Variants in DCTN5 observed in about 807,000 individuals in gnomAD.
DCTN5 encodes the protein dynactin subunit 5.
In DCTN5, 14 loss-of-function variants were observed where a neutral mutation model predicts 23.5. That is an observed-to-expected ratio of 0.60 (90% CI 0.39 to 0.93). The LOEUF is 0.93. Ranked by LOEUF, DCTN5 falls within the 40% of genes least tolerant of loss-of-function variation. DCTN5 has a pLI of 0.00. For synonymous variants in DCTN5, 67 were observed against 79.6 expected (o/e 0.84, Z 0.84); for missense variants, 156 against 225.9 (o/e 0.69, Z 1.98).
intron 2 of DCTN5, among the ~76,000 whole-genome samples, chr16:23,644,854 C>T (rs1407475485): frequency 1.4e-5 from 2 of 147,932 alleles, no homozygotes; most frequent in Admixed American, 6.7e-5. Context: ...CCATCTCAGT[C>T]GCCACAACCT....
At chr16:23,650,791 C>CAGATGTCACAGTGCCTGCAGGG (rs1967587763) in intron 2 of DCTN5, 1 of 1,531,914 alleles carries the variant, frequency 6.5e-7, no homozygotes, top group Admixed American at 2.0e-5. Context: ...GCCCATATAT[C>CAGATGTCACAGTGCCTGCAGGG]AGATGTCACA....
Position 23,671,178 on chromosome 16 carries a change from G to A in DCTN5, c.*4034G>A, listed in dbSNP as rs148556646. The A allele has an allele frequency of 6.6e-5, 10 of 152,234 alleles. No homozygotes were observed. Among genetic ancestry groups the A allele is most frequent in the South Asian group, 2.1e-4 (1 of 4,822 alleles). The allele number at this position is 152,234 out of a possible 1,614,324, so 9.4% of individuals were successfully genotyped here. ...GACTTTGAGCAAGTTATCTTACTTC[G>A]TGGAACCTCAGGTTTCTCATCCATA... On this transcript the variant is annotated 3_prime_UTR_variant, in exon 6 of 6. Transcript: ENST00000300087.
chr16:23,672,868 C>T lies in DCTN5; in HGVS notation c.*5724C>T, dbSNP rs574357250. On this transcript the variant is annotated 3_prime_UTR_variant, in exon 6 of 6. Coordinates refer to ENST00000300087, the MANE Select transcript of DCTN5 (RefSeq NM_032486.4). ...TTTGGCCAGGCGCAGTGGCTCAAGC[C>T]TGTAATCCCATCACTTCGGGAGGCC... The T allele has an allele frequency of 6.6e-6, 1 of 152,304 alleles. No individual in the cohort carries two copies. The highest frequency in any genetic ancestry group is 1.5e-5 in the Non-Finnish European group (1 of 68,092). The allele number at this position is 152,304 out of a possible 1,614,324, so 9.4% of individuals were successfully genotyped here.
At chr16:23,664,122 A>G (rs1448818452) in intron 4 of DCTN5, among the ~76,000 whole-genome samples, 2 of 152,236 alleles carry the variant, frequency 1.3e-5, no homozygotes, top group Non-Finnish European at 2.9e-5. Flanking sequence ...ATTTGAGGTC[A>G]CCAGGGAAGA....
rs1383097099 is a variant in DCTN5 at position 23,671,840 on chromosome 16, C to T, written c.*4696C>T. 6.6e-6 allele frequency: 1 copy of T among 152,228 alleles called. No homozygotes were observed. The highest frequency in any genetic ancestry group is 2.4e-5 in the African/African-American group (1 of 41,450). The allele number at this position is 152,228 out of a possible 1,614,324, so 9.4% of individuals were successfully genotyped here. ...AGTTGGCACAGGACATCTTACTTCC[C>T]TGAAAACAGTACCTGGACTTTTCTG... On this transcript the variant is annotated 3_prime_UTR_variant, in exon 6 of 6. Transcript: ENST00000300087.
chr16:23,653,326 A>G (rs1967639827), intron 2 of DCTN5, among the ~76,000 whole-genome samples: 1 of 152,224 alleles, frequency 6.6e-6, no homozygotes, highest in Admixed American at 6.5e-5. Flanking sequence ...ACAGTAATCA[A>G]AACAGCGTGT....
At chr16:23,659,179 A>G (rs572891953) in intron 3 of DCTN5, among the ~76,000 whole-genome samples, 1 of 152,258 alleles carries the variant, frequency 6.6e-6, no homozygotes, top group East Asian at 1.9e-4. Flanking sequence ...CAAACTCTTG[A>G]GAGAGAGAAT....
rs1284544130 is a variant in DCTN5, at chr16:23,645,108, TATATATATATATATATATATATATATA to T, written c.117+2086_117+2112del. On this transcript the variant is annotated intron_variant, in intron 2 of 5. Transcript: ENST00000300087. Reference sequence around the variant, plus strand: ...CTATATATATATATATATATATATATATATATATATATATATATATATATATATATTTTTTTTTTTTTTAATACGCAG... The same window carrying T: ...CTATATATATATATATATATATATATTATTTTTTTTTTTTTTAATACGCAG... Among the ~76,000 whole-genome samples the T allele has an allele frequency of 2.4e-3, 85 of 34,702 alleles. 4 individuals carry two copies. The South Asian group carries it at 0.025, about 10-fold the overall frequency. 22.8% of individuals were successfully genotyped at this position (34,702 alleles called of 152,430 possible). A position where few individuals can be genotyped will look rare whatever the true frequency, so the allele number is the denominator to read the frequency against.
chr16:23,658,405 T>C, intron 2 of DCTN5, 102 bp from the exon 3 acceptor site: 1 of 787,662 alleles, frequency 1.3e-6, no homozygotes, highest in Non-Finnish European at 2.2e-6. Flanking sequence ...TCTGTCAGAG[T>C]GGATTGTAAC....
At chr16:23,641,670 C>CT in intron 1 of DCTN5, 80 bp downstream of exon 1, 2 of 1,447,310 alleles carry the variant, frequency 1.4e-6, no homozygotes, top group Non-Finnish European at 1.9e-6. Context: ...CAACCTGCCC[C>CT]TACCCCACCA....
At chr16:23,665,605 T>G in intron 4 of DCTN5, 21 bp from the exon 5 acceptor site, 1 of 1,605,014 alleles carries the variant, frequency 6.2e-7, no homozygotes. Context: ...CCATTTCCTA[T>G]TAACAAGATT....
rs138273303 is a variant in DCTN5, at chr16:23,651,794, G to A, written c.118-6713G>A. 2.8e-3 allele frequency among the ~76,000 whole-genome samples: 419 copies of A among 152,322 alleles called. 2 individuals carry two copies. The highest frequency in any genetic ancestry group is 9.6e-3 in the African/African-American group (401 of 41,568). On this transcript the variant is annotated intron_variant, in intron 2 of 5. Transcript: ENST00000300087. ...AATCCCAGCACTTTGCGAGACCAAG[G>A]CAGGCGGAGGCGGGCAGATTACCTG... is the stretch of plus-strand genomic sequence containing the variant.
At chr16:23,648,613 G>T (rs1967527642) in intron 2 of DCTN5, among the ~76,000 whole-genome samples, 1 of 151,490 alleles carries the variant, frequency 6.6e-6, no homozygotes, top group South Asian at 2.1e-4. Context: ...GCCTCCCAAA[G>T]TGCTGGGATT....
At position 23,667,707 on chromosome 16, in the gene DCTN5, AGTGTTTCTC is replaced by A. The variant is rs1967932768; in HGVS notation, c.*564_*572del. 6.5e-6 allele frequency: 1 copy of A among 153,736 alleles called. No individual in the cohort carries two copies. The highest frequency in any genetic ancestry group is 2.4e-5 in the African/African-American group (1 of 41,456). 9.5% of individuals were successfully genotyped at this position (153,736 alleles called of 1,614,324 possible). A position where few individuals can be genotyped will look rare whatever the true frequency, so the allele number is the denominator to read the frequency against. On this transcript the variant is annotated 3_prime_UTR_variant, in exon 6 of 6. Transcript: ENST00000300087. ...TTAAAACTTGAAGGGAGGGGTGAATAGTGTTTCTCTCTTCTTCCCAAAATGACCTTAGCT... is the reference window on the plus strand; with the variant it reads ...TTAAAACTTGAAGGGAGGGGTGAATATCTTCTTCCCAAAATGACCTTAGCT...
Position 23,674,313 on chromosome 16 carries a change from C to CT in DCTN5, c.*7170dup. On this transcript the variant is annotated 3_prime_UTR_variant, in exon 6 of 6. Transcript: ENST00000300087. ...AGGGCTTATTCTCTAATGGGACCATCTAAGATCAAGCTGCTGATAGGCTCT... is the reference window on the plus strand; with the variant it reads ...AGGGCTTATTCTCTAATGGGACCATCTTAAGATCAAGCTGCTGATAGGCTCT... 2 of 152,328 alleles carry CT rather than the reference C, an allele frequency of 1.3e-5. No homozygotes were observed. The highest frequency in any genetic ancestry group is 1.3e-4 in the Admixed American group (2 of 15,290). The allele number at this position is 152,328 out of a possible 1,614,324, so 9.4% of individuals were successfully genotyped here.
intron 2 of DCTN5, among the ~76,000 whole-genome samples, chr16:23,645,109 A>C (rs561818161): frequency 3.2e-5 from 1 of 31,480 alleles, no homozygotes; most frequent in East Asian, 1.0e-3. Flanking sequence ...ATATATATAT[A>C]TATATATATA....
At chr16:23,657,835 C>T (rs914991528) in intron 2 of DCTN5, among the ~76,000 whole-genome samples, 8 of 152,236 alleles carry the variant, frequency 5.3e-5, no homozygotes, top group African/African-American at 1.9e-4. Flanking sequence ...CATAATTCCT[C>T]ATAATCTACT....
At chr16:23,641,929 C>CT (rs1204768012) in intron 1 of DCTN5, among the ~76,000 whole-genome samples, 25 of 151,076 alleles carry the variant, frequency 1.7e-4, no homozygotes, top group Admixed American at 6.6e-4. Context: ...CGATTCGGTT[C>CT]TTTTTTTTTG....
At position 23,671,265 on chromosome 16, in the gene DCTN5, A is replaced by C. The variant is rs1408403090; in HGVS notation, c.*4121A>C. 6.6e-6 allele frequency: 1 copy of C among 151,868 alleles called. No homozygotes were observed. Among genetic ancestry groups the C allele is most frequent in the Non-Finnish European group, 1.5e-5 (1 of 68,028 alleles). 9.4% of individuals were successfully genotyped at this position (151,868 alleles called of 1,614,324 possible). A position where few individuals can be genotyped will look rare whatever the true frequency, so the allele number is the denominator to read the frequency against. On this transcript the variant is annotated 3_prime_UTR_variant, in exon 6 of 6. Transcript: ENST00000300087. ...AATGCATTTATACATGTAAAGCATA[A>C]GTACTGGCTCAGGGTGAGCACTCAA...
Sources: gnomAD v4.1 joint callset for allele counts (sites outside exome capture counted in the v4.1 genomes callset) on GRCh38, gnomAD v4.1.1 for gene constraint, MANE v1.5 for transcripts, NCBI Gene and HGNC (gene_info 2026-07-23, HGNC 2026-07-21) for gene names.